Variants in CCDC60 observed in about 807,000 individuals in gnomAD.
CCDC60 encodes coiled-coil domain-containing protein 60.
A neutral mutation model predicts 63.5 loss-of-function variants in CCDC60; 54 were observed. The observed-to-expected ratio is 0.85, with a 90% confidence interval of 0.68 to 1.07. The LOEUF is 1.07. CCDC60 is among the 50% of genes least tolerant of loss of function. CCDC60 has a pLI of 0.00. For synonymous variants in CCDC60, 206 were observed against 238.8 expected, an observed-to-expected ratio of 0.86 and a Z score of 1.27; for missense variants, 651 against 684.3, an observed-to-expected ratio of 0.95 and a Z score of 0.54.
chr12:119,373,933 ACT>A (rs932424877), intron 1 of CCDC60, among the ~76,000 whole-genome samples: 3 of 151,446 alleles, frequency 2.0e-5, no homozygotes, highest in African/African-American at 4.9e-5. Flanking sequence ...TTCCTTTCTC[ACT>A]CTCTCTTTGA....
chr12:119,472,259 A>G, intron 3 of CCDC60, 95 bp downstream of exon 3: 3 of 1,159,840 alleles, frequency 2.6e-6, no homozygotes, highest in Non-Finnish European at 3.8e-6. Flanking sequence ...CAGCTATCTC[A>G]GAGCACGTGC....
At position 119,516,651 on chromosome 12, in the gene CCDC60, G is replaced by C. The variant is rs867771727; in HGVS notation, c.912G>C (p.Arg304=). The C allele has an allele frequency of 1.9e-6, 3 of 1,613,914 alleles. No individual in the cohort carries two copies. The highest frequency in any genetic ancestry group is 2.5e-6 in the Non-Finnish European group (3 of 1,179,896). Residue 304 remains arginine (R), a synonymous_variant, in exon 8 of 14, where the codon CGG becomes CGC. Transcript: ENST00000327554. The part of the protein sequence containing the change: ...MNLQKLLEMV[R]EDARRTVTIE... ...TGCAGAAGCTCCTGGAGATGGTTCG[G>C]GAAGATGCCCGGAGGACAGTCACAA...
rs1268667293 is a variant in CCDC60, at chr12:119,456,056, AAAG to A, written c.171-15935_171-15933del. Among the ~76,000 whole-genome samples, 20 of 96,876 alleles carry A rather than the reference AAAG, an allele frequency of 2.1e-4. 1 individual carries two copies. Among genetic ancestry groups the A allele is most frequent in the South Asian group, 6.9e-4 (2 of 2,878 alleles). The allele number at this position is 96,876 out of a possible 152,430, so 63.6% of individuals were successfully genotyped here. On this transcript the variant is annotated intron_variant, in intron 2 of 13. Coordinates refer to ENST00000327554, the MANE Select transcript of CCDC60 (RefSeq NM_178499.5). This position sits in a 1 kb window ranked among gnomAD's most constrained non-coding sequence, Gnocchi z 4.6. ...GAAAGAAAGAAAGAAAGAAAGAAAG[AAAG>A]AAAGCAAGCAAGCATGTGCAATTTC...
chr12:119,387,095 A>G (rs1440062998), intron 1 of CCDC60, among the ~76,000 whole-genome samples: 1 of 145,092 alleles, frequency 6.9e-6, no homozygotes, highest in Non-Finnish European at 1.5e-5. Context: ...AAAATGTTTC[A>G]GCTCTTCCAC....
intron 7 of CCDC60, among the ~76,000 whole-genome samples, chr12:119,516,262 C>A (rs2682669): frequency 0.14 from 21,245 of 152,092 alleles, 1,699 homozygotes; most frequent in Non-Finnish European, 0.18. Flanking sequence ...TCCACCACCA[C>A]GCCCAGCTGA....
intron 2 of CCDC60, among the ~76,000 whole-genome samples, chr12:119,467,664 G>A (rs917331375): frequency 2.6e-5 from 4 of 152,316 alleles, no homozygotes; most frequent in Admixed American, 2.6e-4. Context: ...TGGTATTTTT[G>A]TAACAGCAGC....
At chr12:119,338,913 C>T (rs1418269398) in intron 1 of CCDC60, among the ~76,000 whole-genome samples, 1 of 152,182 alleles carries the variant, frequency 6.6e-6, no homozygotes, top group Non-Finnish European at 1.5e-5. Flanking sequence ...CTGAACTGGC[C>T]ATTTTCCTTT....
At chr12:119,361,073 C>T (rs1955784380) in intron 1 of CCDC60, among the ~76,000 whole-genome samples, 1 of 151,694 alleles carries the variant, frequency 6.6e-6, no homozygotes, top group Admixed American at 6.6e-5. Flanking sequence ...TGCAGTGAGC[C>T]GAGATGGCAG....
At position 119,409,080 on chromosome 12, in the gene CCDC60, G is replaced by A. The variant is rs536821993; in HGVS notation, c.91-19603G>A. ...GTTCAGCCCAACCTCCAGGGGAGGAGATTATACAAGAGTGTGAGTACCAGG... is the reference window on the plus strand; with the variant it reads ...GTTCAGCCCAACCTCCAGGGGAGGAAATTATACAAGAGTGTGAGTACCAGG... On this transcript the variant is annotated intron_variant, in intron 1 of 13. Transcript: ENST00000327554. 5.8e-4 allele frequency among the ~76,000 whole-genome samples: 89 copies of A among 152,312 alleles called. 1 individual carries two copies. The highest frequency in any genetic ancestry group is 2.1e-3 in the African/African-American group (87 of 41,568).
intron 2 of CCDC60, among the ~76,000 whole-genome samples, chr12:119,445,775 T>C (rs968894025): frequency 3.9e-5 from 6 of 152,150 alleles, no homozygotes; most frequent in African/African-American, 1.4e-4. Flanking sequence ...AATGAATTAA[T>C]GGCATCTGCA....
At chr12:119,382,966 G>T (rs546950102) in intron 1 of CCDC60, among the ~76,000 whole-genome samples, 5 of 152,326 alleles carry the variant, frequency 3.3e-5, no homozygotes, top group African/African-American at 1.2e-4. Context: ...ACTGATGGCG[G>T]AACCTCTTTG....
chr12:119,377,133 T>C (rs902444369), intron 1 of CCDC60, among the ~76,000 whole-genome samples: 1 of 151,650 alleles, frequency 6.6e-6, no homozygotes, highest in East Asian at 1.9e-4. Context: ...CACGTGCCTG[T>C]AATCCCAGCT....
intron 2 of CCDC60, among the ~76,000 whole-genome samples, chr12:119,462,416 A>G (rs548942156): frequency 5.1e-4 from 77 of 152,246 alleles, no homozygotes; most frequent in Non-Finnish European, 1.0e-3. Context: ...GGCCAAATTT[A>G]TGCACCAGAT....
intron 2 of CCDC60, among the ~76,000 whole-genome samples, chr12:119,431,703 G>T (rs1950231764): frequency 6.6e-6 from 1 of 152,202 alleles, no homozygotes; most frequent in East Asian, 1.9e-4. Flanking sequence ...TTTTGAGACA[G>T]AGTCTCGCTC....
At position 119,359,581 on chromosome 12, in the gene CCDC60, AGG is replaced by A. The variant is rs1170001347; in HGVS notation, c.90+24319_90+24320del. 3.4e-5 allele frequency among the ~76,000 whole-genome samples: 5 copies of A among 145,922 alleles called. No individual in the cohort carries two copies. In the Admixed American group the frequency reaches 3.5e-4, roughly 10 times the overall value. Reference sequence around the variant, plus strand: ...GATCATTCTTGGGTGTTTCTCACAGAGGGGGATTTGGCACGGTCATAGGACAA... The same window carrying A: ...GATCATTCTTGGGTGTTTCTCACAGAGGGATTTGGCACGGTCATAGGACAA... On this transcript the variant is annotated intron_variant, in intron 1 of 13. Transcript: ENST00000327554.
chr12:119,394,907 T>C (rs937159855), intron 1 of CCDC60, among the ~76,000 whole-genome samples: 3 of 152,154 alleles, frequency 2.0e-5, no homozygotes, highest in Non-Finnish European at 1.5e-5. Context: ...ATCAATATGC[T>C]CTGGAAACAC....
chr12:119,341,931 T>C (rs1955536981), intron 1 of CCDC60, among the ~76,000 whole-genome samples: 1 of 152,216 alleles, frequency 6.6e-6, no homozygotes, highest in African/African-American at 2.4e-5. Context: ...CTCAGTCCCA[T>C]TATTCATCTT....
intron 2 of CCDC60, among the ~76,000 whole-genome samples, chr12:119,440,305 C>T (rs1036538564): frequency 3.3e-5 from 5 of 152,170 alleles, no homozygotes; most frequent in East Asian, 1.9e-4. Flanking sequence ...CCGAGGCGGG[C>T]GGATTGTGAG....
chr12:119,482,988 C>T (rs1410153303), intron 4 of CCDC60, among the ~76,000 whole-genome samples: 1 of 152,106 alleles, frequency 6.6e-6, no homozygotes, highest in East Asian at 1.9e-4. Flanking sequence ...ATCCTAAGTA[C>T]CCAAAGCCCC....
Sources: gnomAD v4.1 joint callset for allele counts (sites outside exome capture counted in the v4.1 genomes callset) on GRCh38, gnomAD v4.1.1 for gene constraint, Gnocchi (gnomAD v3.1) non-coding constraint, MANE v1.5 for transcripts, NCBI Gene and HGNC (gene_info 2026-07-23, HGNC 2026-07-21) for gene names.